The following SLC52A3 variants were observed in gnomAD, a reference collection of about 807,000 sequenced individuals.
SLC52A3 encodes solute carrier family 52 member 3.
A neutral mutation model predicts 29.5 loss-of-function variants in SLC52A3; 20 were observed. The ratio of observed to expected loss-of-function variants is 0.68; its 90% confidence interval spans 0.48 to 0.99. The LOEUF (loss-of-function observed/expected upper bound fraction) is 0.99, where lower values mean the gene tolerates loss of function less well. Among genes scored for constraint, SLC52A3 ranks in the 50% least tolerant of loss-of-function variants. The pLI, the probability that SLC52A3 is intolerant of heterozygous loss-of-function variation, is 0.00. For synonymous variants in SLC52A3, 301 were observed against 271.0 expected (o/e 1.11, Z -1.09); for missense variants, 548 against 612.9 (o/e 0.89, Z 1.12).
At position 765,232 on chromosome 20, in the gene SLC52A3, G is replaced by C. The variant is rs934723511; in HGVS notation, c.543C>G (p.Pro181=). Residue 181 remains proline (P), a synonymous_variant, in exon 2 of 5, where the codon CCC becomes CCG. Transcript: ENST00000645534. This position sits in a 1 kb window ranked among gnomAD's most constrained non-coding sequence, Gnocchi z 6.6. ...CCTGTGCGATGTCAGTCTCCCTCGT[G>C]GGTACAGGGCTTGGTACGCTGTCTG... ...EISDSVPSPV[P]TRETDIAQGV... The C allele has an allele frequency of 6.2e-7, 1 of 1,614,196 alleles. No individual in the cohort carries two copies.
upstream of SLC52A3, among the ~76,000 whole-genome samples, chr20:772,401 A>AG (rs1986868647): frequency 6.6e-6 from 1 of 152,176 alleles, no homozygotes; most frequent in African/African-American, 2.4e-5. Context: ...CTCCTTCCTC[A>AG]AAAGTGAGGT....
At chr20:773,352 T>C (rs1374530586), upstream of SLC52A3, among the ~76,000 whole-genome samples, 1 of 152,176 alleles carries the variant, frequency 6.6e-6, no homozygotes, top group East Asian at 1.9e-4. Context: ...AGGCTGGCAT[T>C]ATGATTATCT....
upstream of SLC52A3, among the ~76,000 whole-genome samples, chr20:778,294 C>T (rs1987124213): frequency 6.6e-6 from 1 of 152,098 alleles, no homozygotes; most frequent in Admixed American, 6.6e-5. Flanking sequence ...GGATTACAGG[C>T]TTGAGCCACT....
In SLC52A3 at chr20:765,781, ATCTGCCCTG is replaced by A; in HGVS notation, c.-16_-8del. 2.3e-6 allele frequency: 2 copies of A among 873,734 alleles called. No homozygotes were observed. The highest frequency in any genetic ancestry group is 3.3e-6 in the Non-Finnish European group (2 of 613,958). 54.1% of individuals were successfully genotyped at this position (873,734 alleles called of 1,614,324 possible). A position where few individuals can be genotyped will look rare whatever the true frequency, so the allele number is the denominator to read the frequency against. On this transcript the variant is annotated 5_prime_UTR_variant, in exon 2 of 5. Transcript: ENST00000645534. The surrounding 1 kb of genome is among the most constrained non-coding windows in gnomAD (Gnocchi z 6.6). ...GGTGCATCAGGAAGGCCATGGCGGT[ATCTGCCCTG>A]GGCCAGAGGCTTTCTCAGATCAGCC...
At chr20:779,239 G>A (rs1987148147), upstream of SLC52A3, among the ~76,000 whole-genome samples, 2 of 152,182 alleles carry the variant, frequency 1.3e-5, no homozygotes, top group Admixed American at 6.5e-5. Flanking sequence ...TGTTTACAAC[G>A]AGTCAGAAAG....
chr20:775,018 C>T (rs1055223911), intron 1 of SLC52A3, among the ~76,000 whole-genome samples: 3 of 152,242 alleles, frequency 2.0e-5, no homozygotes, highest in African/African-American at 7.2e-5. Flanking sequence ...AGATAACAGG[C>T]GCTCAGCCTG....
chr20:768,957 G>A (rs983682909), upstream of SLC52A3, among the ~76,000 whole-genome samples: 1 of 152,182 alleles, frequency 6.6e-6, no homozygotes, highest in African/African-American at 2.4e-5. Context: ...GAGACCTCTG[G>A]CTGCCTCACC....
chr20:773,732 C>T (rs1175239242), intron 1 of SLC52A3, among the ~76,000 whole-genome samples: 10 of 152,172 alleles, frequency 6.6e-5, no homozygotes, highest in Non-Finnish European at 1.3e-4. Flanking sequence ...GCGTGGGCGA[C>T]AGATAGAGAA....
chr20:766,768 T>C (rs1005516537), intron 1 of SLC52A3, among the ~76,000 whole-genome samples: 1 of 152,252 alleles, frequency 6.6e-6, no homozygotes, highest in African/African-American at 2.4e-5. Flanking sequence ...GCCTGTTTGA[T>C]GGTCTCTTCA....
upstream of SLC52A3, among the ~76,000 whole-genome samples, chr20:770,155 G>GTT (rs71191969): frequency 7.8e-4 from 111 of 143,192 alleles, no homozygotes; most frequent in African/African-American, 2.2e-3. This position sits in a 1 kb window ranked among gnomAD's most constrained non-coding sequence, Gnocchi z 4.5. Context: ...TCTGACTGCT[G>GTT]TTTTTTTTTT....
At position 760,645 on chromosome 20, in the gene SLC52A3, A is replaced by G. The variant is rs753234306; in HGVS notation, c.*381T>C. 5.6e-5 allele frequency: 14 copies of G among 249,276 alleles called. No homozygotes were observed. The highest frequency in any genetic ancestry group is 9.4e-5 in the Non-Finnish European group (12 of 127,984). 15.4% of individuals were successfully genotyped at this position (249,276 alleles called of 1,614,324 possible). A position where few individuals can be genotyped will look rare whatever the true frequency, so the allele number is the denominator to read the frequency against. ...TGGTACTTACTGGAATCCCCACTGC[A>G]TGCATGAAGAAACAGGCACAGAGAA... On this transcript the variant is annotated 3_prime_UTR_variant, in exon 5 of 5. Transcript: ENST00000645534. This position sits in a 1 kb window ranked among gnomAD's most constrained non-coding sequence, Gnocchi z 4.9.
At chr20:772,075 T>C (rs1299002451), upstream of SLC52A3, among the ~76,000 whole-genome samples, 5 of 152,356 alleles carry the variant, frequency 3.3e-5, no homozygotes, top group Middle Eastern at 3.4e-3. Context: ...ATTAAACTAA[T>C]GAGAGTGTCC....
At chr20:773,027 G>A (rs1354021612), upstream of SLC52A3, among the ~76,000 whole-genome samples, 1 of 152,218 alleles carries the variant, frequency 6.6e-6, no homozygotes, top group Non-Finnish European at 1.5e-5. Context: ...GAGGAGACAG[G>A]GCAGGTCCCC....
upstream of SLC52A3, among the ~76,000 whole-genome samples, chr20:776,863 G>T (rs77120814): frequency 6.6e-4 from 100 of 150,970 alleles, no homozygotes; most frequent in Admixed American, 1.1e-3. Flanking sequence ...TTTTGGGGGG[G>T]GGGCCACAGG....
At chr20:762,389 G>T (rs1986520259) in intron 3 of SLC52A3, among the ~76,000 whole-genome samples, 1 of 152,164 alleles carries the variant, frequency 6.6e-6, no homozygotes, top group Admixed American at 6.5e-5. Flanking sequence ...GATCTCCAGG[G>T]GTCCTGGCAG....
upstream of SLC52A3, among the ~76,000 whole-genome samples, chr20:773,179 C>G (rs1273610843): frequency 2.4e-4 from 36 of 152,122 alleles, 2 homozygotes; most frequent in Admixed American, 2.4e-3. Flanking sequence ...AGGGAGGAAG[C>G]AGGAGTAAAC....
At chr20:775,268 C>CTTT (rs57095806) in intron 1 of SLC52A3, among the ~76,000 whole-genome samples, 1 of 133,578 alleles carries the variant, frequency 7.5e-6, no homozygotes, top group Non-Finnish European at 1.6e-5. Context: ...GGGGCCCAGT[C>CTTT]TTTTTTTTTT....
intron 2 of SLC52A3, among the ~76,000 whole-genome samples, chr20:764,287 C>T (rs1418376058): frequency 6.6e-6 from 1 of 152,170 alleles, no homozygotes; most frequent in African/African-American, 2.4e-5. Flanking sequence ...CGTCCCTTAC[C>T]TGAGGGTCAC....
At chr20:774,030 G>A (rs186928489) in intron 1 of SLC52A3, among the ~76,000 whole-genome samples, 237 of 152,320 alleles carry the variant, frequency 1.6e-3, no homozygotes, top group Non-Finnish European at 2.4e-3. Context: ...TCTGTTGAGC[G>A]CTGGTCTCTC....
Sources: allele counts gnomAD v4.1 joint callset (sites outside exome capture counted in the v4.1 genomes callset), GRCh38; gene constraint gnomAD v4.1.1; non-coding constraint Gnocchi (gnomAD v3.1); transcripts MANE v1.5; gene names NCBI Gene and HGNC (gene_info 2026-07-23, HGNC 2026-07-21).